The following NEBL variants were observed in gnomAD, a reference collection of about 807,000 sequenced individuals.
The protein encoded by NEBL is nebulette, also known as LIM and SH3 protein 2.
NEBL carries 122 observed loss-of-function variants against 140.2 expected under a neutral mutation model. The ratio of observed to expected loss-of-function variants is 0.87; its 90% CI spans 0.75 to 1.01. The LOEUF (loss-of-function observed/expected upper bound fraction) is 1.01. Ranked by LOEUF, NEBL falls within the 50% of genes least tolerant of loss-of-function variation. NEBL has a pLI of 0.00. For synonymous variants in NEBL, 436 were observed against 398.9 expected, an observed-to-expected ratio of 1.09 and a Z score of -1.11; for missense variants, 1,365 against 1,231.3, an observed-to-expected ratio of 1.11 and a Z score of -1.62.
intron 4 of NEBL, among the ~76,000 whole-genome samples, chr10:20,941,850 A>C (rs1834887602): frequency 6.6e-6 from 1 of 152,038 alleles, no homozygotes; most frequent in Non-Finnish European, 1.5e-5. Flanking sequence ...TGCTTCAAAG[A>C]GAATAAAATA....
chr10:21,217,567 G>C (rs1340607923), intron 3 of NEBL, among the ~76,000 whole-genome samples: 1 of 152,252 alleles, frequency 6.6e-6, no homozygotes, highest in East Asian at 1.9e-4. Flanking sequence ...TAGGCTTTGG[G>C]TGCCACACAA....
intron 2 of NEBL, among the ~76,000 whole-genome samples, chr10:21,026,169 T>C (rs757832887): frequency 3.3e-5 from 5 of 152,198 alleles, no homozygotes; most frequent in Admixed American, 3.3e-4. Flanking sequence ...TTATTTTCTG[T>C]AAAACCCATG....
At chr10:21,227,768 C>CT (rs1225767287) in intron 3 of NEBL, among the ~76,000 whole-genome samples, 1 of 129,034 alleles carries the variant, frequency 7.7e-6, no homozygotes, top group African/African-American at 2.9e-5. Flanking sequence ...TCTTCTTCTT[C>CT]TTTCTGCTTC....
At chr10:21,216,177 G>A (rs1589332478) in intron 3 of NEBL, among the ~76,000 whole-genome samples, 2 of 152,238 alleles carry the variant, frequency 1.3e-5, no homozygotes, top group South Asian at 2.1e-4. Context: ...TCTACAGAGT[G>A]ACTCTGAACC....
intron 2 of NEBL, among the ~76,000 whole-genome samples, chr10:21,051,080 A>G (rs1834757308): frequency 6.6e-6 from 1 of 152,174 alleles, no homozygotes; most frequent in Non-Finnish European, 1.5e-5. Context: ...CCCAGCCAGG[A>G]TGAAAAAAGA....
chr10:20,911,062 G>A (rs1848312359), intron 4 of NEBL, among the ~76,000 whole-genome samples: 1 of 152,032 alleles, frequency 6.6e-6, no homozygotes. Flanking sequence ...TGCTCGGGAG[G>A]ATGAAGTGGG....
At chr10:20,787,362 AC>A in intron 26 of NEBL, 54 bp from the exon 27 acceptor site, 1 of 1,382,918 alleles carries the variant, frequency 7.2e-7, no homozygotes, top group Non-Finnish European at 1.0e-6. Context: ...GCCTCGAAAT[AC>A]CCATCCCAAA....
intron 2 of NEBL, among the ~76,000 whole-genome samples, chr10:21,129,865 T>A (rs1405137534): frequency 6.6e-6 from 1 of 152,098 alleles, no homozygotes; most frequent in Non-Finnish European, 1.5e-5. Context: ...TTTAAAATAG[T>A]AATAAATACG....
At chr10:20,899,495 A>C, upstream of NEBL, 9 of 1,176,570 alleles carry the variant, frequency 7.6e-6, 1 homozygote, top group South Asian at 1.3e-4. Flanking sequence ...AAACTTTTGA[A>C]AACAAAAACC....
intron 17 of NEBL, among the ~76,000 whole-genome samples, chr10:20,827,244 G>A (rs141724224): frequency 1.8e-4 from 27 of 152,276 alleles, no homozygotes; most frequent in Non-Finnish European, 2.4e-4. Flanking sequence ...AGTGGCCCCC[G>A]CGTGGGTGGG....
intron 26 of NEBL, among the ~76,000 whole-genome samples, chr10:20,793,019 G>T (rs1476791400): frequency 6.6e-6 from 1 of 152,160 alleles, no homozygotes; most frequent in Non-Finnish European, 1.5e-5. Flanking sequence ...CTAGAAACAA[G>T]ATGCTATTTT....
chr10:20,938,569 A>G (rs1230304326), intron 4 of NEBL, among the ~76,000 whole-genome samples: 2 of 152,162 alleles, frequency 1.3e-5, no homozygotes, highest in Non-Finnish European at 2.9e-5. Flanking sequence ...CTCACCAACA[A>G]CGGAACAAAG....
intron 1 of NEBL, among the ~76,000 whole-genome samples, chr10:21,257,893 A>G (rs1290931091): frequency 2.0e-5 from 3 of 147,788 alleles, no homozygotes; most frequent in African/African-American, 7.9e-5. Flanking sequence ...TCACACACAC[A>G]CACCCCAAAA....
chr10:20,878,284 T>C (rs1845692763), intron 5 of NEBL, among the ~76,000 whole-genome samples: 1 of 152,210 alleles, frequency 6.6e-6, no homozygotes, highest in Non-Finnish European at 1.5e-5. Flanking sequence ...TTGATTTTGG[T>C]GGAAACATAA....
chr10:20,887,023 G>C (rs1846582509), intron 4 of NEBL, among the ~76,000 whole-genome samples: 1 of 152,200 alleles, frequency 6.6e-6, no homozygotes, highest in Admixed American at 6.5e-5. Flanking sequence ...ACGTAGCTGA[G>C]AGAGCTAAAG....
intron 9 of NEBL, among the ~76,000 whole-genome samples, chr10:20,853,325 G>A (rs758267486): frequency 6.6e-6 from 1 of 152,176 alleles, no homozygotes; most frequent in Non-Finnish European, 1.5e-5. Context: ...ACACCAAATT[G>A]AACAGGGATG....
At chr10:21,093,036 A>G (rs1291886961) in intron 2 of NEBL, among the ~76,000 whole-genome samples, 1 of 151,922 alleles carries the variant, frequency 6.6e-6, no homozygotes, top group Non-Finnish European at 1.5e-5. Context: ...GAAAATCTAA[A>G]TTGCCTTGTA....
intron 13 of NEBL, among the ~76,000 whole-genome samples, chr10:20,840,008 A>G (rs1841261152): frequency 6.6e-6 from 1 of 152,172 alleles, no homozygotes; most frequent in Non-Finnish European, 1.5e-5. Flanking sequence ...CGGATTTTCT[A>G]TTCCATGAGT....
chr10:21,120,134 G>C (rs1435013019), intron 2 of NEBL, among the ~76,000 whole-genome samples: 1 of 151,672 alleles, frequency 6.6e-6, no homozygotes, highest in Non-Finnish European at 1.5e-5. Flanking sequence ...AGTTTGGGAG[G>C]CTGATGCAGG....
Sources: allele counts gnomAD v4.1 joint callset (sites outside exome capture counted in the v4.1 genomes callset), GRCh38; gene constraint gnomAD v4.1.1; transcripts MANE v1.5; gene names NCBI Gene and HGNC (gene_info 2026-07-23, HGNC 2026-07-21).